The following ZNF777 variants were observed in gnomAD, a reference collection of about 807,000 sequenced individuals.
ZNF777 encodes the protein zinc finger protein 777.
A neutral mutation model predicts 72.1 loss-of-function variants in ZNF777; 7 were observed. That is an observed-to-expected ratio of 0.10 (90% CI 0.06 to 0.18). The LOEUF is 0.18. Among genes scored for constraint, ZNF777 ranks in the 10% least tolerant of loss-of-function variants. The pLI is 1.00. For synonymous variants in ZNF777, 545 were observed against 483.5 expected (o/e 1.13, Z -1.67); for missense variants, 828 against 1,128.6 (o/e 0.73, Z 3.82).
chr7:149,457,535 C>T (rs906561458), intron 1 of ZNF777, among the ~76,000 whole-genome samples: 1 of 152,192 alleles, frequency 6.6e-6, no homozygotes, highest in Non-Finnish European at 1.5e-5. Context: ...TTCCTTTAGT[C>T]ACCTATCAGA....
chr7:149,448,583 A>ATAGTTATATATATAAC (rs1554494024), intron 4 of ZNF777, among the ~76,000 whole-genome samples: 2 of 19,022 alleles, frequency 1.1e-4, no homozygotes, highest in African/African-American at 1.2e-3. Flanking sequence ...ATATAACTAT[A>ATAGTTATATATATAAC]TATATATATA....
Position 149,432,778 on chromosome 7 carries a change from C to T in ZNF777, c.1494G>A (p.Glu498=). 6.2e-7 allele frequency: 1 copy of T among 1,609,210 alleles called. No individual in the cohort carries two copies. Among genetic ancestry groups the T allele is most frequent in the Non-Finnish European group, 8.5e-7 (1 of 1,176,532 alleles). Reference sequence around the variant, plus strand: ...GCAGGGGCGGGGGGCTCTCCTCGCCCTCGGGGGACATCTCCCCGGGCAGCG... The same window carrying T: ...GCAGGGGCGGGGGGCTCTCCTCGCCTTCGGGGGACATCTCCCCGGGCAGCG... ...QTPLPGEMSP[E]GEESPPPLQL... is the part of the protein sequence containing the mutation. Residue 498 remains glutamate, a synonymous_variant, in exon 6 of 6, where the codon GAG becomes GAA. Coordinates refer to ENST00000247930, the MANE Select transcript of ZNF777 (RefSeq NM_015694.3).
intron 5 of ZNF777, 42 bp from the exon 6 acceptor site, chr7:149,432,974 G>A: frequency 1.4e-6 from 2 of 1,449,694 alleles, no homozygotes; most frequent in Non-Finnish European, 1.8e-6. Flanking sequence ...GCTGCTGCCT[G>A]GCGCCCCTAA....
intron 1 of ZNF777, chr7:149,459,688 C>G (rs1158837948): frequency 1.0e-6 from 1 of 985,032 alleles, no homozygotes; most frequent in African/African-American, 1.7e-5. Context: ...CAGGGCGGGT[C>G]GCCGCCAGGT....
intron 1 of ZNF777, chr7:149,459,687 T>C (rs891321638): frequency 2.0e-6 from 2 of 984,698 alleles, no homozygotes; most frequent in Non-Finnish European, 1.2e-6. Context: ...GCAGGGCGGG[T>C]CGCCGCCAGG....
At chr7:149,448,583 A>ATAAC (rs1554494024) in intron 4 of ZNF777, among the ~76,000 whole-genome samples, 2 of 19,022 alleles carry the variant, frequency 1.1e-4, no homozygotes, top group Non-Finnish European at 1.7e-4. Flanking sequence ...ATATAACTAT[A>ATAAC]TATATATATA....
rs1183505995 is a variant in ZNF777 at position 149,436,541 on chromosome 7, A to C, written c.1339+34T>G. 22 of 1,556,974 alleles carry C rather than the reference A, an allele frequency of 1.4e-5. No homozygotes were observed. The highest frequency in any genetic ancestry group is 1.9e-5 in the Non-Finnish European group (22 of 1,149,816). The stretch of plus-strand genomic sequence containing the variant: ...GGGGCCCTCTGGGAGGCCTCATGGC[A>C]ACCCTTCCCCGGCCGTCCCCGCCCA... On this transcript the variant is annotated intron_variant, in intron 5 of 5. Coordinates refer to ENST00000247930, the MANE Select transcript of ZNF777 (RefSeq NM_015694.3). The surrounding 1 kb of genome is among the most constrained non-coding windows in gnomAD (Gnocchi z 5.0).
chr7:149,451,686 C>T (rs967463524), intron 3 of ZNF777, among the ~76,000 whole-genome samples: 14 of 151,368 alleles, frequency 9.2e-5, no homozygotes, highest in African/African-American at 2.9e-4. Flanking sequence ...AGTGAAACTC[C>T]GTCTCAAAAA....
chr7:149,437,707 G>A (rs1327412630), intron 4 of ZNF777, among the ~76,000 whole-genome samples: 4 of 151,332 alleles, frequency 2.6e-5, no homozygotes, highest in Admixed American at 2.6e-4. Context: ...TCACCGCTAT[G>A]ACTTCCCAGG....
At chr7:149,454,739 C>G (rs1400633840) in intron 2 of ZNF777, among the ~76,000 whole-genome samples, 10 of 152,216 alleles carry the variant, frequency 6.6e-5, no homozygotes, top group Non-Finnish European at 1.5e-4. Context: ...AAGGAAACAT[C>G]TTGAAATCAG....
intron 1 of ZNF777, chr7:149,459,750 C>T (rs930785896): frequency 1.4e-4 from 135 of 984,968 alleles, no homozygotes; most frequent in Non-Finnish European, 1.6e-4. Context: ...GCGTCAGCGC[C>T]GCGCCCGGGC....
Position 149,451,100 on chromosome 7 carries a change from G to A in ZNF777, c.986C>T (p.Ser329Phe). 1 of 1,613,904 alleles carries A rather than the reference G, an allele frequency of 6.2e-7. No individual in the cohort carries two copies. Reference protein sequence around the residue: ...ESLVSMDYAISKPDLMSQMER... With the variant: ...ESLVSMDYAIFKPDLMSQMER... ...CATCTGTGACATGAGGTCTGGTTTG[G>A]AAATTGCATAGTCTAGGCAGAAGAA... Residue 329 changes from serine to phenylalanine, a missense_variant, in exon 4 of 6, where the codon TCC becomes TTC. Coordinates refer to ENST00000247930, the MANE Select transcript of ZNF777 (RefSeq NM_015694.3).
chr7:149,453,242 T>C (rs1366669569), intron 3 of ZNF777, among the ~76,000 whole-genome samples: 1 of 152,084 alleles, frequency 6.6e-6, no homozygotes, highest in Non-Finnish European at 1.5e-5. Flanking sequence ...ATATAAATCA[T>C]TTAAATTGTT....
chr7:149,448,572 CAT>C (rs1799654567), intron 4 of ZNF777, among the ~76,000 whole-genome samples: 1 of 105,580 alleles, frequency 9.5e-6, no homozygotes, highest in East Asian at 2.2e-4. Context: ...TATAGTTATA[CAT>C]ATAACTATAT....
chr7:149,453,330 G>A (rs1415084682), intron 3 of ZNF777, among the ~76,000 whole-genome samples: 5 of 152,082 alleles, frequency 3.3e-5, no homozygotes, highest in Non-Finnish European at 5.9e-5. Flanking sequence ...CTATGGAAAG[G>A]TATGTATAAA....
intron 4 of ZNF777, among the ~76,000 whole-genome samples, chr7:149,444,609 A>G (rs530244324): frequency 6.6e-6 from 1 of 152,364 alleles, no homozygotes; most frequent in South Asian, 2.1e-4. Flanking sequence ...GAATATCTCA[A>G]AATGACTCAG....
At chr7:149,456,350 G>C (rs1563241272) in intron 1 of ZNF777, among the ~76,000 whole-genome samples, 1 of 152,158 alleles carries the variant, frequency 6.6e-6, no homozygotes, top group Non-Finnish European at 1.5e-5. Flanking sequence ...CTGGACTCCT[G>C]TTAGAGCTTT....
At chr7:149,454,938 A>T (rs1217638200) in intron 2 of ZNF777, among the ~76,000 whole-genome samples, 1 of 152,126 alleles carries the variant, frequency 6.6e-6, no homozygotes, top group Non-Finnish European at 1.5e-5. Context: ...CTCTCACACC[A>T]TGGACAGCTC....
chr7:149,453,642 A>C (rs77333474), intron 3 of ZNF777, among the ~76,000 whole-genome samples: 1 of 152,176 alleles, frequency 6.6e-6, no homozygotes, highest in Non-Finnish European at 1.5e-5. Flanking sequence ...AGGAGTGTGA[A>C]CACCTGTCTT....
Sources: allele counts gnomAD v4.1 joint callset (sites outside exome capture counted in the v4.1 genomes callset), GRCh38; gene constraint gnomAD v4.1.1; non-coding constraint Gnocchi (gnomAD v3.1); transcripts MANE v1.5; gene names NCBI Gene and HGNC (gene_info 2026-07-23, HGNC 2026-07-21).